The following ROBO2 variants were observed in gnomAD, a reference collection of about 807,000 sequenced individuals.
The protein encoded by ROBO2 is roundabout homolog 2.
A neutral mutation model predicts 160.8 loss-of-function variants in ROBO2; 53 were observed. The ratio of observed to expected loss-of-function variants is 0.33; its 90% CI spans 0.26 to 0.41. The LOEUF (loss-of-function observed/expected upper bound fraction) is 0.41, where lower values mean the gene tolerates loss of function less well. Ranked by LOEUF, ROBO2 falls within the 10% of genes least tolerant of loss-of-function variation. The pLI is 1.00. For synonymous variants in ROBO2, 664 were observed against 611.7 expected, an observed-to-expected ratio of 1.09 and a Z score of -1.26; for missense variants, 1,577 against 1,722.4, an observed-to-expected ratio of 0.92 and a Z score of 1.49.
chr3:77,027,954 A>G (rs1291371986), intron 2 of ROBO2, among the ~76,000 whole-genome samples: 4 of 152,136 alleles, frequency 2.6e-5, no homozygotes, highest in Admixed American at 2.0e-4. Flanking sequence ...TAGAAGCCCA[A>G]CGACTATTAA....
At chr3:75,947,887 T>C (rs1948375824) in intron 2 of ROBO2, among the ~76,000 whole-genome samples, 1 of 152,042 alleles carries the variant, frequency 6.6e-6, no homozygotes. Flanking sequence ...TGGCCAAAGA[T>C]TTAGGGAAGA....
chr3:77,473,272 C>A (rs2083545791), intron 2 of ROBO2, among the ~76,000 whole-genome samples: 1 of 151,572 alleles, frequency 6.6e-6, no homozygotes, highest in African/African-American at 2.4e-5. Context: ...TTTTACTGCA[C>A]CTGTGGCGGA....
At chr3:76,851,692 G>A (rs1056955302) in intron 2 of ROBO2, among the ~76,000 whole-genome samples, 1 of 131,252 alleles carries the variant, frequency 7.6e-6, no homozygotes, top group Non-Finnish European at 1.5e-5. Flanking sequence ...CCGAGATTGC[G>A]CCACTGCAGT....
intron 2 of ROBO2, among the ~76,000 whole-genome samples, chr3:76,591,459 T>G (rs941063961): frequency 2.0e-5 from 3 of 152,130 alleles, no homozygotes; most frequent in African/African-American, 7.2e-5. Context: ...CCATAGATAC[T>G]TCTAATATTT....
chr3:76,385,988 T>C (rs981431199), intron 2 of ROBO2, among the ~76,000 whole-genome samples: 1 of 152,230 alleles, frequency 6.6e-6, no homozygotes, highest in African/African-American at 2.4e-5. Flanking sequence ...CTGATACTAA[T>C]TAATTTGATG....
At chr3:76,695,427 A>G (rs2092907180) in intron 2 of ROBO2, among the ~76,000 whole-genome samples, 1 of 152,020 alleles carries the variant, frequency 6.6e-6, no homozygotes, top group Non-Finnish European at 1.5e-5. Flanking sequence ...GTTTTTTTTT[A>G]AGTTGAAAAA....
intron 2 of ROBO2, among the ~76,000 whole-genome samples, chr3:76,362,409 C>G (rs1203989435): frequency 6.6e-6 from 1 of 151,944 alleles, no homozygotes; most frequent in African/African-American, 2.4e-5. Context: ...TTTTATTGAT[C>G]ATAGGGATCA....
At chr3:76,396,369 C>T (rs901651947) in intron 2 of ROBO2, among the ~76,000 whole-genome samples, 1 of 152,102 alleles carries the variant, frequency 6.6e-6, no homozygotes, top group Non-Finnish European at 1.5e-5. Flanking sequence ...CAATATCATA[C>T]TGAATGGGCA....
At chr3:77,290,048 G>C (rs2060997424) in intron 2 of ROBO2, among the ~76,000 whole-genome samples, 1 of 150,742 alleles carries the variant, frequency 6.6e-6, no homozygotes, top group Non-Finnish European at 1.5e-5. Flanking sequence ...AAATGGGTAA[G>C]CTGAGGCTAG....
At chr3:77,527,532 G>A (rs1011394521) in intron 6 of ROBO2, 118 bp downstream of exon 7, 3 of 723,268 alleles carry the variant, frequency 4.1e-6, no homozygotes, top group Non-Finnish European at 5.7e-6. Context: ...AATAATACTT[G>A]AGACTGTATG....
At chr3:76,993,630 A>T (rs967667431) in intron 2 of ROBO2, among the ~76,000 whole-genome samples, 2 of 152,144 alleles carry the variant, frequency 1.3e-5, no homozygotes, top group African/African-American at 4.8e-5. Flanking sequence ...GCGTGTTTCC[A>T]TCCTAACGGC....
chr3:76,468,273 T>G (rs2078463851), intron 2 of ROBO2, among the ~76,000 whole-genome samples: 1 of 152,146 alleles, frequency 6.6e-6, no homozygotes, highest in African/African-American at 2.4e-5. Context: ...GTCAGCACTT[T>G]AAACAAATAA....
chr3:77,180,013 A>G (rs1173066376), intron 2 of ROBO2, among the ~76,000 whole-genome samples: 2 of 152,062 alleles, frequency 1.3e-5, no homozygotes, highest in African/African-American at 4.8e-5. Flanking sequence ...GAGGGAGTCG[A>G]TAAAAGCATC....
At chr3:77,198,955 G>A (rs1301359701) in intron 2 of ROBO2, among the ~76,000 whole-genome samples, 1 of 152,002 alleles carries the variant, frequency 6.6e-6, no homozygotes, top group Non-Finnish European at 1.5e-5. Flanking sequence ...CAAGTATTTT[G>A]TAAAAATATG....
intron 2 of ROBO2, among the ~76,000 whole-genome samples, chr3:77,361,625 T>G (rs927404934): frequency 6.6e-6 from 1 of 152,036 alleles, no homozygotes; most frequent in East Asian, 1.9e-4. Context: ...TTTCCTCACA[T>G]AGTGGAAAGG....
chr3:76,672,652 G>A (rs1444454437), intron 2 of ROBO2, among the ~76,000 whole-genome samples: 1 of 152,042 alleles, frequency 6.6e-6, no homozygotes, highest in Admixed American at 6.6e-5. Flanking sequence ...TATGTAGGGG[G>A]AATTACCGAC....
At chr3:76,849,767 T>A (rs1427334726) in intron 2 of ROBO2, among the ~76,000 whole-genome samples, 1 of 152,200 alleles carries the variant, frequency 6.6e-6, no homozygotes, top group African/African-American at 2.4e-5. Flanking sequence ...TGGTAAGAGT[T>A]GTAGGAGCAG....
chr3:76,331,829 G>A (rs897377535), intron 2 of ROBO2, among the ~76,000 whole-genome samples: 4 of 151,574 alleles, frequency 2.6e-5, no homozygotes, highest in African/African-American at 9.7e-5. Flanking sequence ...GACTACAGGC[G>A]CCCACCACTA....
intron 2 of ROBO2, among the ~76,000 whole-genome samples, chr3:76,431,934 A>G (rs2076454299): frequency 6.6e-6 from 1 of 152,178 alleles, no homozygotes; most frequent in Non-Finnish European, 1.5e-5. Flanking sequence ...AATTAGATAC[A>G]TTGATCTGTA....
Sources: gnomAD v4.1 joint callset for allele counts (sites outside exome capture counted in the v4.1 genomes callset) on GRCh38, gnomAD v4.1.1 for gene constraint, MANE v1.5 for transcripts, NCBI Gene and HGNC (gene_info 2026-07-23, HGNC 2026-07-21) for gene names.